The following SMIM13 variants were observed in gnomAD, a reference collection of about 807,000 sequenced individuals.
SMIM13 encodes the protein UPF0766 protein C6orf228.
A neutral mutation model predicts 5.9 loss-of-function variants in SMIM13; 3 were observed. The observed-to-expected ratio is 0.51, with a 90% CI of 0.23 to 1.31. The LOEUF (loss-of-function observed/expected upper bound fraction) is 1.31. SMIM13 is among the 40% of genes most tolerant of loss of function. The pLI is 0.18. For missense variants in SMIM13, 85 were observed against 109.9 expected, an observed-to-expected ratio of 0.77 and a Z score of 1.01; for synonymous variants, 55 against 46.0, an observed-to-expected ratio of 1.19 and a Z score of -0.79.
chr6:11,116,920 TG>T (rs1758246289), intron 1 of SMIM13, among the ~76,000 whole-genome samples: 1 of 151,508 alleles, frequency 6.6e-6, no homozygotes, highest in South Asian at 2.1e-4. Flanking sequence ...GGGGAAATCT[TG>T]GGTTATTGAT....
chr6:11,123,503 C>T (rs1015445970), intron 1 of SMIM13, among the ~76,000 whole-genome samples: 14 of 152,048 alleles, frequency 9.2e-5, no homozygotes, highest in African/African-American at 3.4e-4. Context: ...AGATGATTAC[C>T]AATACCATAG....
At chr6:11,112,523 G>A (rs1274957606) in intron 1 of SMIM13, among the ~76,000 whole-genome samples, 3 of 152,162 alleles carry the variant, frequency 2.0e-5, no homozygotes, top group Non-Finnish European at 2.9e-5. Flanking sequence ...AAAGTGCTGG[G>A]ATTACAGGCA....
chr6:11,107,386 A>G (rs1300293832), intron 1 of SMIM13, among the ~76,000 whole-genome samples: 1 of 152,146 alleles, frequency 6.6e-6, no homozygotes, highest in East Asian at 1.9e-4. Flanking sequence ...TTGGATTCCC[A>G]GTTCTCTTGT....
intron 1 of SMIM13, 58 bp downstream of exon 1, chr6:11,094,447 G>GTTT (rs1581907096): frequency 1.3e-5 from 16 of 1,273,666 alleles, no homozygotes; most frequent in Admixed American, 2.2e-5. Context: ...GATCTGCTGG[G>GTTT]GTTTTTTTTG....
At position 11,105,366 on chromosome 6, in the gene SMIM13, G is replaced by A. The variant is rs1279585957; in HGVS notation, c.76+10977G>A. 6.0e-6 allele frequency: 8 copies of A among 1,343,184 alleles called. No homozygotes were observed. In the Admixed American group the frequency reaches 1.3e-4, roughly 21 times the overall value. 83.2% of individuals were successfully genotyped at this position (1,343,184 alleles called of 1,614,324 possible). ...AGCTGCCAATGGAACTCCTGGTGGT[G>A]TACAAGTTAGGGTTAAAATAGTGAT... On this transcript the variant is annotated intron_variant, in intron 1 of 1. Transcript: ENST00000416247.
intron 1 of SMIM13, among the ~76,000 whole-genome samples, chr6:11,119,263 T>C (rs1007354950): frequency 2.0e-5 from 3 of 152,160 alleles, no homozygotes; most frequent in Admixed American, 6.5e-5. Context: ...TCTCTCTCTT[T>C]CTCTCTCTCA....
intron 1 of SMIM13, among the ~76,000 whole-genome samples, chr6:11,096,261 G>A (rs938963933): frequency 6.6e-5 from 10 of 152,112 alleles, no homozygotes; most frequent in African/African-American, 2.2e-4. Flanking sequence ...ATTCTCATAA[G>A]GAGCGAGCAA....
Position 11,134,801 on chromosome 6 carries a change from C to T in SMIM13, c.*199C>T, listed in dbSNP as rs1028837539. 2 of 413,378 alleles carry T rather than the reference C, an allele frequency of 4.8e-6. No homozygotes were observed. Among genetic ancestry groups the T allele is most frequent in the African/African-American group, 4.1e-5 (2 of 48,748 alleles). 25.6% of individuals were successfully genotyped at this position (413,378 alleles called of 1,614,324 possible). ...TTATAAATTTCATCTTAAAGATAATCTTTTGTTTCACCAGCTTTCTACTTA... is the reference window on the plus strand; with the variant it reads ...TTATAAATTTCATCTTAAAGATAATTTTTTGTTTCACCAGCTTTCTACTTA... On this transcript the variant is annotated 3_prime_UTR_variant, in exon 2 of 2. Coordinates refer to ENST00000416247, the MANE Select transcript of SMIM13 (RefSeq NM_001135575.2).
chr6:11,137,510 T>C lies in SMIM13; in HGVS notation c.*2908T>C, dbSNP rs566059198. 6.6e-6 allele frequency: 1 copy of C among 152,308 alleles called. No homozygotes were observed. Among genetic ancestry groups the C allele is most frequent in the East Asian group, 1.9e-4 (1 of 5,192 alleles). The allele number at this position is 152,308 out of a possible 1,614,324, so 9.4% of individuals were successfully genotyped here. On this transcript the variant is annotated 3_prime_UTR_variant, in exon 2 of 2. Transcript: ENST00000416247. ...TGGTTAATTTTAGAGCTTAAAAGTTTATAAGCATTAAAAACACATACATGT... is the reference window on the plus strand; with the variant it reads ...TGGTTAATTTTAGAGCTTAAAAGTTCATAAGCATTAAAAACACATACATGT...
At chr6:11,120,098 A>G (rs540041345) in intron 1 of SMIM13, among the ~76,000 whole-genome samples, 2 of 152,342 alleles carry the variant, frequency 1.3e-5, no homozygotes, top group South Asian at 4.1e-4. Context: ...TGAAATTGGT[A>G]GTGAGCCAGT....
chr6:11,094,381 T>C lies in SMIM13; in HGVS notation c.68T>C (p.Met23Thr), dbSNP rs1209750152. Reference protein sequence around the residue: ...VATLLIVLLLMVCGWYFVWHL... With the variant: ...VATLLIVLLLTVCGWYFVWHL... Reference sequence around the variant, plus strand: ...ACGCTGCTGATCGTCCTGCTGCTGATGGTGTGCGGTGAGTGGGGGCGGTAG... The same window carrying C: ...ACGCTGCTGATCGTCCTGCTGCTGACGGTGTGCGGTGAGTGGGGGCGGTAG... Residue 23 changes from methionine (M) to threonine (T), a missense_variant, in exon 1 of 2, where the codon ATG (methionine) becomes ACG (threonine). Coordinates refer to ENST00000416247, the MANE Select transcript of SMIM13 (RefSeq NM_001135575.2). 1.0e-5 allele frequency: 16 copies of C among 1,535,680 alleles called. No homozygotes were observed. Among genetic ancestry groups the C allele is most frequent in the Non-Finnish European group, 1.4e-5 (16 of 1,142,658 alleles).
chr6:11,097,590 C>A (rs1283425065), intron 1 of SMIM13, among the ~76,000 whole-genome samples: 1 of 151,826 alleles, frequency 6.6e-6, no homozygotes, highest in Non-Finnish European at 1.5e-5. Context: ...ACTGCTTGAA[C>A]CCAGTAGGTG....
chr6:11,120,204 G>A (rs1490967155), intron 1 of SMIM13, among the ~76,000 whole-genome samples: 1 of 152,194 alleles, frequency 6.6e-6, no homozygotes, highest in African/African-American at 2.4e-5. Flanking sequence ...TAGTTATACT[G>A]CACCTGGGCT....
intron 1 of SMIM13, among the ~76,000 whole-genome samples, chr6:11,112,065 CTG>C (rs1440414048): frequency 6.6e-6 from 1 of 152,126 alleles, no homozygotes; most frequent in African/African-American, 2.4e-5. Context: ...TTTTGGGAGA[CTG>C]TCTTTCCCTG....
intron 1 of SMIM13, among the ~76,000 whole-genome samples, chr6:11,121,296 C>T (rs747819401): frequency 4.6e-5 from 7 of 152,168 alleles, no homozygotes; most frequent in African/African-American, 1.2e-4. Flanking sequence ...GTTCCAGACC[C>T]ATGCCCATAG....
rs192509370 is a variant in SMIM13, at chr6:11,099,244, G to A, written c.76+4855G>A. 5.0e-3 allele frequency among the ~76,000 whole-genome samples: 761 copies of A among 151,936 alleles called. 1 individual carries two copies. The highest frequency in any genetic ancestry group is 0.024 in the South Asian group (115 of 4,798). On this transcript the variant is annotated intron_variant, in intron 1 of 1. Transcript: ENST00000416247. ...GGCTGGAGTACATTGGCGCGATCTC[G>A]GCTCACTGCAACCTCCACCTCCTGG...
chr6:11,094,767 A>C (rs1163634808), intron 1 of SMIM13, among the ~76,000 whole-genome samples: 1 of 152,184 alleles, frequency 6.6e-6, no homozygotes, highest in African/African-American at 2.4e-5. Flanking sequence ...TGACCTTAAT[A>C]ATGAGAGGTG....
In SMIM13 at chr6:11,102,282, A is replaced by G. The variant is rs1030745598; in HGVS notation, c.76+7893A>G. Among the ~76,000 whole-genome samples the G allele has an allele frequency of 3.3e-5, 5 of 152,346 alleles. No homozygotes were observed. In the East Asian group the frequency reaches 5.8e-4, roughly 18 times the overall value. ...GAATTAATTGACTTTTGAAAAATCA[A>G]TTTTTAAAGATTAAATTTGGTTTTA... is the stretch of plus-strand genomic sequence containing the variant. On this transcript the variant is annotated intron_variant, in intron 1 of 1. Coordinates refer to ENST00000416247, the MANE Select transcript of SMIM13 (RefSeq NM_001135575.2).
At chr6:11,116,092 A>G (rs71548526) in intron 1 of SMIM13, among the ~76,000 whole-genome samples, 16,697 of 129,178 alleles carry the variant, frequency 0.13, 1,219 homozygotes, top group Middle Eastern at 0.26. Flanking sequence ...ATCTCTGCCC[A>G]CTGCAACCTC....
Sources: allele counts gnomAD v4.1 joint callset (sites outside exome capture counted in the v4.1 genomes callset), GRCh38; gene constraint gnomAD v4.1.1; transcripts MANE v1.5; gene names NCBI Gene and HGNC (gene_info 2026-07-23, HGNC 2026-07-21).